KCTD15: variants seen among roughly 807,000 people sequenced by gnomAD.
The protein encoded by KCTD15 is BTB/POZ domain-containing protein KCTD15.
A neutral mutation model predicts 27.2 loss-of-function variants in KCTD15; 11 were observed. The ratio of observed to expected loss-of-function variants is 0.41; its 90% CI spans 0.25 to 0.67. The LOEUF (loss-of-function observed/expected upper bound fraction) is 0.67, where lower values mean the gene tolerates loss of function less well. Among genes scored for constraint, KCTD15 ranks in the 30% least tolerant of loss-of-function variants. KCTD15 has a pLI of 0.35. For missense variants in KCTD15, 350 were observed against 409.3 expected (o/e 0.86, Z 1.25); for synonymous variants, 163 against 176.0 (o/e 0.93, Z 0.58).
chr19:33,807,099 A>G (rs1017813311), intron 5 of KCTD15, 92 bp downstream of exon 5: 7 of 1,413,894 alleles, frequency 5.0e-6, no homozygotes, highest in Admixed American at 2.3e-5. Context: ...CCTGGTTGTC[A>G]TGGTAACCAT....
rs541847125 is a variant in KCTD15 at position 33,802,456 on chromosome 19, G to A, written c.242+1114G>A. ...TTCCAAGCCTGTTGGGGCTGCAGGG[G>A]AGCCTGTGCAGGTGCAGGCATGGTC... On this transcript the variant is annotated intron_variant, in intron 4 of 6. Transcript: ENST00000683859. Among the ~76,000 whole-genome samples, 7 of 152,324 alleles carry A rather than the reference G, an allele frequency of 4.6e-5. No individual in the cohort carries two copies. The South Asian group carries it at 1.5e-3, about 32-fold the overall frequency.
chr19:33,812,882 C>G lies in KCTD15; in HGVS notation c.786C>G (p.Cys262Trp). The change falls in exon 7 of 7, where the codon TGC (cysteine) becomes TGG (tryptophan). Residue 262 changes from cysteine (C) to tryptophan (W), a missense_variant. By Grantham distance (215) the Cys-to-Trp change is radical (BLOSUM62 -2). This residue lies in a region of KCTD15 where 219 missense variants were observed against 234.9 expected (regional missense o/e 0.93). Coordinates refer to ENST00000683859, the MANE Select transcript of KCTD15 (RefSeq NM_001129994.2). ...DSSQFSEYVLCREERRPQPTP... is the reference protein window; with the variant it reads ...DSSQFSEYVLWREERRPQPTP... ...CCCAGTTCAGCGAGTATGTGCTTTG[C>G]CGGGAGGAGCGGCGGCCGCAGCCCA... 1 of 1,550,064 alleles carries G rather than the reference C, an allele frequency of 6.5e-7. No individual in the cohort carries two copies. The highest frequency in any genetic ancestry group is 8.7e-7 in the Non-Finnish European group (1 of 1,146,416).
At chr19:33,811,857 A>C in intron 6 of KCTD15, 1 of 1,602,654 alleles carries the variant, frequency 6.2e-7, no homozygotes. Flanking sequence ...CCAGAGTCTG[A>C]CTTTGGATTC....
At chr19:33,800,554 G>T (rs1189064795) in intron 3 of KCTD15, 34 bp downstream of exon 3, 1 of 1,552,464 alleles carries the variant, frequency 6.4e-7, no homozygotes. Flanking sequence ...TCCCTGCCGG[G>T]AGTTCCCTCT....
intron 4 of KCTD15, among the ~76,000 whole-genome samples, chr19:33,806,448 G>A (rs966374556): frequency 4.6e-5 from 7 of 152,162 alleles, no homozygotes; most frequent in East Asian, 1.9e-4. Context: ...GCTGTTGGCC[G>A]GGGTGTTGGA....
chr19:33,799,040 T>C (rs1975445271), intron 2 of KCTD15, among the ~76,000 whole-genome samples: 1 of 152,204 alleles, frequency 6.6e-6, no homozygotes, highest in Non-Finnish European at 1.5e-5. Context: ...TCTGTTTTGG[T>C]TCTCAGAACT....
chr19:33,809,475 G>A (rs980906400), intron 5 of KCTD15, among the ~76,000 whole-genome samples: 3 of 152,224 alleles, frequency 2.0e-5, no homozygotes, highest in Admixed American at 2.0e-4. Flanking sequence ...CTGTGGGAGT[G>A]GGGTTTCTGC....
At position 33,810,207 on chromosome 19, in the gene KCTD15, G is replaced by A. The variant is rs139859187; in HGVS notation, c.388-1040G>A. 5.9e-5 allele frequency among the ~76,000 whole-genome samples: 9 copies of A among 152,294 alleles called. No individual in the cohort carries two copies. In the East Asian group the frequency reaches 1.2e-3, roughly 20 times the overall value. ...CCCAGGGCATGGGGCCAGTATCAGC[G>A]CCTGAGGGACAGTCTGTGCGAGGCT... On this transcript the variant is annotated intron_variant, in intron 5 of 6. Transcript: ENST00000683859.
At position 33,815,180 on chromosome 19, in the gene KCTD15, T is replaced by C. The variant is rs1385255444; in HGVS notation, c.*2232T>C. On this transcript the variant is annotated 3_prime_UTR_variant, in exon 7 of 7. Coordinates refer to ENST00000683859, the MANE Select transcript of KCTD15 (RefSeq NM_001129994.2). ...TCTCTTTTTGGGTAAATGATTGTGC[T>C]AAAAATAAAATTTATTAATAAAGAA... 6.6e-6 allele frequency: 1 copy of C among 152,180 alleles called. No individual in the cohort carries two copies. The highest frequency in any genetic ancestry group is 1.5e-5 in the Non-Finnish European group (1 of 68,036). The allele number at this position is 152,180 out of a possible 1,614,324, so 9.4% of individuals were successfully genotyped here.
chr19:33,807,821 T>C (rs1033105253), intron 5 of KCTD15, among the ~76,000 whole-genome samples: 1 of 151,970 alleles, frequency 6.6e-6, no homozygotes, highest in African/African-American at 2.4e-5. Flanking sequence ...GTGCCTGTAA[T>C]ACCAGCCACT....
Position 33,815,758 on chromosome 19 carries a change from A to G in KCTD15, c.*2810A>G, listed in dbSNP as rs1303879879. On this transcript the variant is annotated 3_prime_UTR_variant, in exon 7 of 7. Transcript: ENST00000683859. The stretch of plus-strand genomic sequence containing the variant: ...AGAATAAATAAAGGATATTTTATAA[A>G]TTACAGCTCTAGCCCTTGGTTTGTA... 6.6e-6 allele frequency: 1 copy of G among 151,784 alleles called. No homozygotes were observed. The highest frequency in any genetic ancestry group is 1.9e-4 in the East Asian group (1 of 5,180). 9.4% of individuals were successfully genotyped at this position (151,784 alleles called of 1,614,324 possible).
intron 6 of KCTD15, chr19:33,811,765 G>A (rs1029994379): frequency 1.3e-6 from 2 of 1,529,940 alleles, no homozygotes; most frequent in African/African-American, 2.8e-5. Flanking sequence ...AAATCGATCT[G>A]TACTTTTTTT....
In KCTD15 at chr19:33,813,138, A is replaced by G. The variant is rs948708975; in HGVS notation, c.*190A>G. On this transcript the variant is annotated 3_prime_UTR_variant, in exon 7 of 7. Transcript: ENST00000683859. ...TGGGATGCTGGAGGCATGCCTGCAG[A>G]AGGACTGTTGATGCGACCCAAAGAT... 9.3e-6 allele frequency: 6 copies of G among 644,512 alleles called. No individual in the cohort carries two copies. The African/African-American group carries it at 1.1e-4, about 12-fold the overall frequency. 39.9% of individuals were successfully genotyped at this position (644,512 alleles called of 1,614,324 possible). A position where few individuals can be genotyped will look rare whatever the true frequency, so the allele number is the denominator to read the frequency against.
At chr19:33,812,369 A>G (rs998085222) in intron 6 of KCTD15, 7 of 1,025,894 alleles carry the variant, frequency 6.8e-6, no homozygotes, top group Non-Finnish European at 8.2e-6. Context: ...AAGCTGGTGG[A>G]TGCCTAGAGG....
chr19:33,809,696 A>G (rs984256343), intron 5 of KCTD15, among the ~76,000 whole-genome samples: 1 of 152,104 alleles, frequency 6.6e-6, no homozygotes, highest in African/African-American at 2.4e-5. Flanking sequence ...TGTGTCTACA[A>G]ATAATTATTA....
intron 1 of KCTD15, 100 bp from the exon 2 acceptor site, chr19:33,798,568 G>C (rs1975430871): frequency 6.6e-6 from 1 of 152,574 alleles, no homozygotes; most frequent in African/African-American, 2.4e-5. Flanking sequence ...TGCAACAGGC[G>C]GGCCAGGGCG....
intron 4 of KCTD15, chr19:33,801,630 T>A: frequency 3.2e-6 from 1 of 310,448 alleles, no homozygotes; most frequent in South Asian, 1.3e-4. Flanking sequence ...CAGCCCAGCC[T>A]GAGCCTGCCG....
At chr19:33,801,450 G>C in intron 4 of KCTD15, 108 bp downstream of exon 4, 1 of 980,884 alleles carries the variant, frequency 1.0e-6, no homozygotes, top group Non-Finnish European at 1.5e-6. Context: ...ACCCACCAGG[G>C]TCTCCAGGGT....
chr19:33,803,214 C>G (rs1279540202), intron 4 of KCTD15, among the ~76,000 whole-genome samples: 1 of 152,124 alleles, frequency 6.6e-6, no homozygotes, highest in Admixed American at 6.5e-5. Flanking sequence ...GGACTAGAGG[C>G]CAGGGATGGC....
Sources: allele counts gnomAD v4.1 joint callset (sites outside exome capture counted in the v4.1 genomes callset), GRCh38; gene constraint gnomAD v4.1.1; regional missense constraint gnomAD v4.1.1; transcripts MANE v1.5; gene names NCBI Gene and HGNC (gene_info 2026-07-23, HGNC 2026-07-21).